Variants in CCDC57 observed in about 807,000 individuals in gnomAD.
CCDC57 encodes the protein coiled-coil domain-containing protein 57.
In CCDC57, 118 loss-of-function variants were observed where a neutral mutation model predicts 118.9. The ratio of observed to expected loss-of-function variants is 0.99; its 90% CI spans 0.86 to 1.16. The LOEUF (loss-of-function observed/expected upper bound fraction) is 1.16. CCDC57 is among the 50% of genes most tolerant of loss of function. The pLI, the probability that CCDC57 is intolerant of heterozygous loss-of-function variation, is 0.00. For synonymous variants in CCDC57, 527 were observed against 532.9 expected (o/e 0.99, Z 0.15); for missense variants, 1,300 against 1,320.7 (o/e 0.98, Z 0.24).
intron 19 of CCDC57, chr17:82,113,416 G>A (rs1439859314): frequency 1.7e-5 from 12 of 717,522 alleles, no homozygotes; most frequent in African/African-American, 7.0e-5. Flanking sequence ...GGACTAGAAC[G>A]ACAGGAGCAG....
At chr17:82,146,526 CACA>C (rs897015689) in intron 16 of CCDC57, among the ~76,000 whole-genome samples, 2 of 152,158 alleles carry the variant, frequency 1.3e-5, no homozygotes, top group Admixed American at 1.3e-4. Context: ...ACTTCAGACA[CACA>C]ACACCATGCC....
At chr17:82,134,765 T>G (rs1255224576) in intron 16 of CCDC57, among the ~76,000 whole-genome samples, 1 of 149,860 alleles carries the variant, frequency 6.7e-6, no homozygotes, top group African/African-American at 2.5e-5. Flanking sequence ...CTGCACTCCA[T>G]CCTGGGTAAC....
intron 19 of CCDC57, among the ~76,000 whole-genome samples, chr17:82,115,013 C>A (rs1397516116): frequency 6.6e-6 from 1 of 152,218 alleles, no homozygotes; most frequent in Non-Finnish European, 1.5e-5. Context: ...ACCACTGCCC[C>A]CACTCCACGA....
At chr17:82,156,671 C>T (rs1050398004) in intron 15 of CCDC57, 8 of 152,332 alleles carry the variant, frequency 5.3e-5, no homozygotes, top group African/African-American at 1.9e-4. Flanking sequence ...CCGACCAGCT[C>T]AGCCCTTCCT....
intron 8 of CCDC57, among the ~76,000 whole-genome samples, chr17:82,184,338 C>T (rs1263600216): frequency 2.0e-5 from 3 of 151,704 alleles, no homozygotes; most frequent in African/African-American, 7.3e-5. Flanking sequence ...CTCATGTCCT[C>T]GCCATGCCTA....
At chr17:82,112,058 C>G (rs917333113) in intron 19 of CCDC57, 7 of 152,412 alleles carry the variant, frequency 4.6e-5, no homozygotes, top group African/African-American at 1.4e-4. Context: ...ACTGCAACCT[C>G]TGCTTCCCAG....
intron 16 of CCDC57, among the ~76,000 whole-genome samples, chr17:82,144,567 T>C (rs528761780): frequency 2.3e-5 from 3 of 130,854 alleles, no homozygotes; most frequent in African/African-American, 5.7e-5. Flanking sequence ...TCCAGGCTCC[T>C]GGAAGACCCC....
chr17:82,148,364 G>GTA, intron 16 of CCDC57, among the ~76,000 whole-genome samples: 1 of 530 alleles, frequency 1.9e-3, no homozygotes, highest in Non-Finnish European at 3.7e-3. Context: ...TGGATGGATG[G>GTA]GTGGATGGGT....
exon 6 of CCDC57, chr17:82,194,038 C>T: frequency 6.2e-7 from 1 of 1,613,636 alleles, no homozygotes; most frequent in Non-Finnish European, 8.5e-7. Flanking sequence ...TCTGGAGCTT[C>T]CTCTCCAGCT....
intron 17 of CCDC57, among the ~76,000 whole-genome samples, chr17:82,132,118 CAAAAAAAA>C (rs58856013): frequency 2.0e-5 from 2 of 101,924 alleles, no homozygotes; most frequent in Admixed American, 1.0e-4. Context: ...GACTCTGTCT[CAAAAAAAA>C]AAAAAAAAAA....
rs1351843819 is a variant in CCDC57, at chr17:82,157,980, T to C, written c.2041-32A>G. ...GTCATTTCAAAGGCAGTGTGAGGAA[T>C]GAGGCAGTGGCTGGGCTGGAGCAGG... On this transcript the variant is annotated intron_variant, in intron 14 of 19. Transcript: ENST00000665763. 6.5e-6 allele frequency: 10 copies of C among 1,540,282 alleles called. No homozygotes were observed. In the East Asian group the frequency reaches 7.4e-5, roughly 11 times the overall value.
chr17:82,129,032 T>C (rs539008232), intron 17 of CCDC57, among the ~76,000 whole-genome samples: 60 of 152,130 alleles, frequency 3.9e-4, no homozygotes, highest in African/African-American at 1.4e-3. Flanking sequence ...GATTCTCCTG[T>C]CTCAGCCTCC....
rs141014663 is a variant in CCDC57 at position 82,167,885 on chromosome 17, G to A, written c.1882+3816C>T. Among the ~76,000 whole-genome samples the A allele has an allele frequency of 7.5e-3, 1,137 of 152,346 alleles. 15 individuals carry two copies. The highest frequency in any genetic ancestry group is 0.025 in the African/African-American group (1,039 of 41,584). On this transcript the variant is annotated intron_variant, in intron 13 of 19. Transcript: ENST00000665763. ...CCTGCCTTGGCCTCCCAAAGTGCTG[G>A]GATGACAGGCATGAGCCACGGCGCC...
At chr17:82,111,635 T>C (rs878917555) in intron 19 of CCDC57, among the ~76,000 whole-genome samples, 1 of 151,208 alleles carries the variant, frequency 6.6e-6, no homozygotes, top group Admixed American at 6.6e-5. Context: ...TGAGACAGAG[T>C]CTGCTCTTTC....
intron 16 of CCDC57, among the ~76,000 whole-genome samples, chr17:82,138,679 G>C (rs2039610187): frequency 6.6e-6 from 1 of 151,904 alleles, no homozygotes; most frequent in Non-Finnish European, 1.5e-5. Flanking sequence ...AGAGACGCGT[G>C]GCCTGCCCCG....
At chr17:82,125,275 C>T (rs1482034731) in intron 19 of CCDC57, among the ~76,000 whole-genome samples, 7 of 152,106 alleles carry the variant, frequency 4.6e-5, no homozygotes, top group East Asian at 1.9e-4. Context: ...TGGTGACTCA[C>T]GCCTGCAGTC....
At chr17:82,151,174 A>G (rs1433493991) in intron 16 of CCDC57, among the ~76,000 whole-genome samples, 1 of 137,088 alleles carries the variant, frequency 7.3e-6, no homozygotes, top group African/African-American at 2.7e-5. Flanking sequence ...CACACCCAGA[A>G]CCAGGCGCAC....
At chr17:82,127,979 C>T in intron 18 of CCDC57, 71 bp from the exon 18 acceptor site, 1 of 1,570,006 alleles carries the variant, frequency 6.4e-7, no homozygotes, top group South Asian at 1.2e-5. Context: ...TCCCCCCAAC[C>T]ACTCCCCTCG....
intron 3 of CCDC57, among the ~76,000 whole-genome samples, chr17:82,200,511 C>CGGTA (rs1324032421): frequency 1.3e-5 from 2 of 152,106 alleles, no homozygotes; most frequent in Non-Finnish European, 2.9e-5. Flanking sequence ...TGGCCAGGCG[C>CGGTA]GGTAGCTCAC....
Sources: gnomAD v4.1 joint callset for allele counts (sites outside exome capture counted in the v4.1 genomes callset) on GRCh38, gnomAD v4.1.1 for gene constraint, MANE v1.5 for transcripts, NCBI Gene and HGNC (gene_info 2026-07-23, HGNC 2026-07-21) for gene names.